PALS1: variants seen among roughly 807,000 people sequenced by gnomAD.
The protein encoded by PALS1 is protein PALS1.
A neutral mutation model predicts 78.9 loss-of-function variants in PALS1; 31 were observed. The ratio of observed to expected loss-of-function variants is 0.39; its 90% CI spans 0.30 to 0.53. PALS1 has a LOEUF of 0.53. Among genes scored for constraint, PALS1 ranks in the 20% least tolerant of loss-of-function variants. The pLI is 0.67. For missense variants in PALS1, 704 were observed against 826.5 expected (o/e 0.85, Z 1.82); for synonymous variants, 276 against 270.9 (o/e 1.02, Z -0.18).
In PALS1 at chr14:67,320,995, A is replaced by C. The variant is rs140300574; in HGVS notation, c.1538-62A>C. ...AATAGAAATTCTTTCTGACTAGCAG[A>C]ATTATCCCCTGTCCTCACTCTAAGC... On this transcript the variant is annotated intron_variant, in intron 12 of 14. Transcript: ENST00000261681. The C allele has an allele frequency of 5.7e-3, 7,870 of 1,388,540 alleles. 30 individuals carry two copies. Among genetic ancestry groups the C allele is most frequent in the Non-Finnish European group, 6.1e-3 (6,005 of 977,450 alleles). The allele number at this position is 1,388,540 out of a possible 1,614,324, so 86.0% of individuals were successfully genotyped here. A position where few individuals can be genotyped will look rare whatever the true frequency, so the allele number is the denominator to read the frequency against.
intron 1 of PALS1, among the ~76,000 whole-genome samples, chr14:67,247,183 T>C (rs2084000666): frequency 6.6e-6 from 1 of 152,244 alleles, no homozygotes; most frequent in Non-Finnish European, 1.5e-5. Context: ...ATGAACATGC[T>C]ATTTCTTTCC....
intron 8 of PALS1, among the ~76,000 whole-genome samples, chr14:67,307,099 A>G (rs1286999329): frequency 2.0e-5 from 3 of 152,188 alleles, no homozygotes; most frequent in Non-Finnish European, 2.9e-5. Context: ...TTTCTTTTGT[A>G]TCACACATAG....
chr14:67,331,375 A>G (rs2085447016), intron 14 of PALS1, among the ~76,000 whole-genome samples: 1 of 152,046 alleles, frequency 6.6e-6, no homozygotes, highest in Non-Finnish European at 1.5e-5. Context: ...TTTATTACTC[A>G]ATGATAGAAG....
intron 1 of PALS1, among the ~76,000 whole-genome samples, chr14:67,266,849 C>T (rs1052608674): frequency 6.6e-6 from 1 of 152,016 alleles, no homozygotes; most frequent in African/African-American, 2.4e-5. Context: ...GTGGCTCATG[C>T]CTGTAATCCC....
Position 67,290,668 on chromosome 14 carries a change from G to C in PALS1, c.368-1843G>C, listed in dbSNP as rs184737296. Among the ~76,000 whole-genome samples, 8 of 152,228 alleles carry C rather than the reference G, an allele frequency of 5.3e-5. No homozygotes were observed. In the East Asian group the frequency reaches 1.5e-3, roughly 29 times the overall value. ...TCACCTCAGCATCCCAAAGTGCTGGGAACACAGGCGTGAGCCACTGTGCCT... is the reference window on the plus strand; with the variant it reads ...TCACCTCAGCATCCCAAAGTGCTGGCAACACAGGCGTGAGCCACTGTGCCT... On this transcript the variant is annotated intron_variant, in intron 3 of 14. Transcript: ENST00000261681.
chr14:67,312,762 G>A (rs777475438), intron 9 of PALS1, 52 bp downstream of exon 9: 1 of 1,324,050 alleles, frequency 7.6e-7, no homozygotes, highest in Non-Finnish European at 9.9e-7. Context: ...CATTGAAAAT[G>A]CAAGCCTTCA....
At chr14:67,295,100 TTGAAGTGTGTG>T (rs2084827291) in intron 4 of PALS1, 1 of 142,410 alleles carries the variant, frequency 7.0e-6, no homozygotes, top group African/African-American at 2.8e-5. Flanking sequence ...TTTTGAGATA[TTGAAGTGTGTG>T]TGTGTGTGTG....
rs562269009 is a variant in PALS1 at position 67,269,462 on chromosome 14, T to C, written c.-236-239T>C. ...TGCCAGACTGTTTCCAATGTGTTAT[T>C]GGAAAGTTTCCATTTGACATTCCTA... On this transcript the variant is annotated intron_variant, in intron 1 of 14. Coordinates refer to ENST00000261681, the MANE Select transcript of PALS1 (RefSeq NM_022474.4). 3.9e-5 allele frequency among the ~76,000 whole-genome samples: 6 copies of C among 152,296 alleles called. No homozygotes were observed. The East Asian group carries it at 1.2e-3, about 29-fold the overall frequency.
At chr14:67,329,237 C>T (rs939020777) in intron 14 of PALS1, among the ~76,000 whole-genome samples, 1 of 152,154 alleles carries the variant, frequency 6.6e-6, no homozygotes, top group African/African-American at 2.4e-5. Context: ...CTCTTTGTAG[C>T]AATTGTGAAT....
At chr14:67,326,703 G>A (rs114195554) in intron 14 of PALS1, among the ~76,000 whole-genome samples, 2,274 of 152,186 alleles carry the variant, frequency 0.015, 44 homozygotes, top group African/African-American at 0.05. Flanking sequence ...TGTTCTAGAA[G>A]TTCATATAAA....
At chr14:67,324,897 A>ATTTTTTTTT (rs1197663812) in intron 14 of PALS1, among the ~76,000 whole-genome samples, 6 of 76,328 alleles carry the variant, frequency 7.9e-5, no homozygotes, top group East Asian at 4.4e-4. Context: ...CCTTCCTTTC[A>ATTTTTTTTT]TTTTTTTTTT....
intron 4 of PALS1, among the ~76,000 whole-genome samples, chr14:67,299,793 T>G (rs1177375263): frequency 1.3e-5 from 2 of 152,172 alleles, no homozygotes; most frequent in African/African-American, 4.8e-5. Flanking sequence ...AAAGTGGGAA[T>G]AGGGAGAAAA....
At chr14:67,274,802 C>T (rs1440372138) in intron 2 of PALS1, among the ~76,000 whole-genome samples, 2 of 152,072 alleles carry the variant, frequency 1.3e-5, no homozygotes, top group Non-Finnish European at 2.9e-5. Context: ...CTTGGTTGAC[C>T]AGTGGTTTCT....
rs767146391 is a variant in PALS1, at chr14:67,316,925, TA to T, written c.1297+24del. 4.0e-5 allele frequency: 64 copies of T among 1,587,412 alleles called. No individual in the cohort carries two copies. The East Asian group carries it at 1.4e-3, about 36-fold the overall frequency. The stretch of plus-strand genomic sequence containing the variant: ...TCAGGTTAGACACTTGTATTTGACA[TA>T]AGTAAATGGTTTCTTGGGTCTTCAT... On this transcript the variant is annotated intron_variant, in intron 10 of 14. Coordinates refer to ENST00000261681, the MANE Select transcript of PALS1 (RefSeq NM_022474.4).
intron 14 of PALS1, among the ~76,000 whole-genome samples, chr14:67,324,316 A>T (rs2057396): frequency 0.15 from 23,568 of 152,142 alleles, 3,451 homozygotes; most frequent in East Asian, 0.42. Flanking sequence ...AACATTAATA[A>T]TTGACTGATA....
At position 67,279,531 on chromosome 14, in the gene PALS1, A is replaced by G; in HGVS notation, c.361A>G (p.Ile121Val). 6.6e-7 allele frequency: 1 copy of G among 1,526,060 alleles called. No individual in the cohort carries two copies. The highest frequency in any genetic ancestry group is 8.8e-7 in the Non-Finnish European group (1 of 1,140,496). The allele number at this position is 1,526,060 out of a possible 1,614,324, so 94.5% of individuals were successfully genotyped here. A position where few individuals can be genotyped will look rare whatever the true frequency, so the allele number is the denominator to read the frequency against. Residue 121 changes from isoleucine to valine, a missense_variant, in exon 3 of 15, where the codon ATA (isoleucine) becomes GTA (valine). By Grantham distance (29) the Ile-to-Val change is conservative. Transcript: ENST00000261681. The part of the protein sequence containing the change: ...VLESPHYAVK[I>V]LEIEDLFSSL... Reference sequence around the variant, plus strand: ...AGAAAGTCCTCATTATGCTGTGAAAATATTAGGTAAGTAAAAATAGAGGTA... The same window carrying G: ...AGAAAGTCCTCATTATGCTGTGAAAGTATTAGGTAAGTAAAAATAGAGGTA...
intron 9 of PALS1, among the ~76,000 whole-genome samples, chr14:67,315,751 C>T (rs926630854): frequency 6.6e-6 from 1 of 151,336 alleles, no homozygotes; most frequent in East Asian, 1.9e-4. Flanking sequence ...ATGGTGAAAC[C>T]GAGCCTCTAC....
intron 1 of PALS1, among the ~76,000 whole-genome samples, chr14:67,247,799 A>C (rs1274317): frequency 6.6e-6 from 1 of 152,086 alleles, no homozygotes; most frequent in East Asian, 1.9e-4. Context: ...GGCTGGTCTC[A>C]AATTCCTGGG....
rs186121940 is a variant in PALS1, at chr14:67,334,868, T to C, written c.*1912T>C. 3.9e-5 allele frequency: 6 copies of C among 152,352 alleles called. No homozygotes were observed. The highest frequency in any genetic ancestry group is 2.0e-4 in the Admixed American group (3 of 15,302). 9.4% of individuals were successfully genotyped at this position (152,352 alleles called of 1,614,324 possible). A position where few individuals can be genotyped will look rare whatever the true frequency, so the allele number is the denominator to read the frequency against. On this transcript the variant is annotated 3_prime_UTR_variant, in exon 15 of 15. Coordinates refer to ENST00000261681, the MANE Select transcript of PALS1 (RefSeq NM_022474.4). ...CTCAGGAATGAAGTGTAGTCTATGG[T>C]TGACAATGGAGTTTTGTGATCCTGC... is the stretch of plus-strand genomic sequence containing the variant.
Sources: allele counts gnomAD v4.1 joint callset (sites outside exome capture counted in the v4.1 genomes callset), GRCh38; gene constraint gnomAD v4.1.1; transcripts MANE v1.5; gene names NCBI Gene and HGNC (gene_info 2026-07-23, HGNC 2026-07-21).